The following CUL4A variants were observed in gnomAD, a reference collection of about 807,000 sequenced individuals.
The protein encoded by CUL4A is cullin 4A.
Under a neutral mutation model 95.5 loss-of-function variants are expected in CUL4A, and 16 were observed. The ratio of observed to expected loss-of-function variants is 0.17; its 90% confidence interval spans 0.11 to 0.25. The LOEUF (loss-of-function observed/expected upper bound fraction) is 0.25. Among genes scored for constraint, CUL4A ranks in the 10% least tolerant of loss-of-function variants. The probability of loss-of-function intolerance (pLI) is 1.00; values close to 1 mark genes in which losing one functional copy is unlikely to be tolerated. For synonymous variants in CUL4A, 380 were observed against 353.1 expected, an observed-to-expected ratio of 1.08 and a Z score of -0.85; for missense variants, 610 against 937.0, an observed-to-expected ratio of 0.65 and a Z score of 4.56.
Position 113,260,764 on chromosome 13 carries a change from A to G in CUL4A, c.2184+5A>G, listed in dbSNP as rs373106549. On this transcript the variant is annotated splice_donor_5th_base_variant and intron_variant, in intron 19 of 19. Transcript: ENST00000375440. Reference sequence around the variant, plus strand: ...CAGCTGAAATTTCCAGTAAAGGTAAATGTAACATTAGCATAATTAAATTTG... The same window carrying G: ...CAGCTGAAATTTCCAGTAAAGGTAAGTGTAACATTAGCATAATTAAATTTG... 1.3e-6 allele frequency: 2 copies of G among 1,546,616 alleles called. No individual in the cohort carries two copies. The highest frequency in any genetic ancestry group is 2.8e-5 in the African/African-American group (2 of 72,274).
At chr13:113,232,075 T>C (rs61967864) in intron 5 of CUL4A, among the ~76,000 whole-genome samples, 1,827 of 72,136 alleles carry the variant, frequency 0.025, 143 homozygotes, top group Middle Eastern at 0.067. Context: ...CTGTCACCAC[T>C]ACCCGCCCAC....
chr13:113,259,662 G>A (rs1253302152), intron 18 of CUL4A, among the ~76,000 whole-genome samples: 1 of 152,170 alleles, frequency 6.6e-6, no homozygotes, highest in Non-Finnish European at 1.5e-5. Context: ...ATTTCCTAAT[G>A]TTGATCAACA....
At chr13:113,259,527 A>C (rs1199994283) in intron 18 of CUL4A, among the ~76,000 whole-genome samples, 1 of 152,064 alleles carries the variant, frequency 6.6e-6, no homozygotes. Context: ...TTTTTTATTC[A>C]TCCTTGTATG....
chr13:113,215,621 A>G (rs2040637511), intron 2 of CUL4A, among the ~76,000 whole-genome samples: 1 of 140,644 alleles, frequency 7.1e-6, no homozygotes, highest in African/African-American at 2.7e-5. Context: ...GTGGCTGTGG[A>G]GATCTCTGTG....
chr13:113,228,828 G>T (rs994695460), intron 4 of CUL4A, among the ~76,000 whole-genome samples: 6 of 152,048 alleles, frequency 3.9e-5, no homozygotes, highest in Non-Finnish European at 5.9e-5. Context: ...TCAAAAAAAT[G>T]ACCAAATTTA....
intron 3 of CUL4A, among the ~76,000 whole-genome samples, chr13:113,224,705 G>T (rs757294485): frequency 6.6e-6 from 1 of 152,272 alleles, no homozygotes; most frequent in Non-Finnish European, 1.5e-5. Flanking sequence ...AGTAGGCCAA[G>T]CTCTGCACAT....
chr13:113,234,980 TGTAAG>T, intron 7 of CUL4A, 78 bp from the exon 8 acceptor site: 3 of 1,021,028 alleles, frequency 2.9e-6, no homozygotes, highest in South Asian at 3.0e-5. Context: ...AAAAATTACA[TGTAAG>T]GAAAACAAAA....
At chr13:113,240,377 G>A (rs2041672971) in intron 10 of CUL4A, among the ~76,000 whole-genome samples, 1 of 152,220 alleles carries the variant, frequency 6.6e-6, no homozygotes, top group Non-Finnish European at 1.5e-5. Flanking sequence ...CCTCTAATGA[G>A]AAGCCATTCT....
chr13:113,222,576 C>T (rs2040941063), intron 3 of CUL4A, among the ~76,000 whole-genome samples: 1 of 151,614 alleles, frequency 6.6e-6, no homozygotes, highest in Non-Finnish European at 1.5e-5. Context: ...GCCTGTTGTG[C>T]ATTTGGGGCT....
rs566385367 is a variant in CUL4A at position 113,260,839 on chromosome 13, A to G, written c.2184+80A>G. 1.3e-4 allele frequency: 139 copies of G among 1,111,716 alleles called. 4 individuals carry two copies. The South Asian group carries it at 2.0e-3, about 16-fold the overall frequency. 68.9% of individuals were successfully genotyped at this position (1,111,716 alleles called of 1,614,324 possible). The stretch of plus-strand genomic sequence containing the variant: ...AGCATGTTTAATTCTATGTTCAGTC[A>G]TATCATTTGACCTGCATTATTCATG... On this transcript the variant is annotated intron_variant, in intron 19 of 19. Coordinates refer to ENST00000375440, the MANE Select transcript of CUL4A (RefSeq NM_001008895.4).
intron 15 of CUL4A, among the ~76,000 whole-genome samples, chr13:113,247,454 G>A (rs1289767554): frequency 6.6e-6 from 1 of 152,228 alleles, no homozygotes; most frequent in Non-Finnish European, 1.5e-5. Context: ...TTAACTATCA[G>A]CAAGGTAGTT....
chr13:113,218,645 A>G (rs1042193042), intron 2 of CUL4A, among the ~76,000 whole-genome samples: 1 of 152,202 alleles, frequency 6.6e-6, no homozygotes, highest in African/African-American at 2.4e-5. Context: ...ACTGGGCACC[A>G]TAGATGCTCA....
chr13:113,239,399 G>T (rs1173392724), intron 9 of CUL4A, 34 bp from the exon 10 acceptor site: 9 of 1,551,018 alleles, frequency 5.8e-6, no homozygotes, highest in Non-Finnish European at 7.1e-6. Flanking sequence ...TGCTGCCCAT[G>T]CTGTACTCTG....
chr13:113,214,373 C>CT (rs1186550744), intron 2 of CUL4A, among the ~76,000 whole-genome samples: 1 of 152,162 alleles, frequency 6.6e-6, no homozygotes, highest in Non-Finnish European at 1.5e-5. Context: ...TCTTGTGTCT[C>CT]TATGTTTTAG....
intron 15 of CUL4A, among the ~76,000 whole-genome samples, chr13:113,251,687 G>A (rs747272072): frequency 3.3e-5 from 5 of 152,104 alleles, no homozygotes; most frequent in East Asian, 1.9e-4. Context: ...ATGTGAAGAC[G>A]TGCCTGCTTT....
intron 8 of CUL4A, among the ~76,000 whole-genome samples, chr13:113,235,756 G>C (rs1030202849): frequency 9.9e-5 from 15 of 152,200 alleles, no homozygotes; most frequent in Admixed American, 9.8e-4. Flanking sequence ...AGATCACAAA[G>C]TCAGGAGATC....
intron 8 of CUL4A, among the ~76,000 whole-genome samples, chr13:113,235,903 A>G (rs912866184): frequency 7.2e-5 from 11 of 151,782 alleles, no homozygotes; most frequent in Admixed American, 2.6e-4. Context: ...CCCGGGAGGC[A>G]GAGCTTGCAG....
intron 19 of CUL4A, among the ~76,000 whole-genome samples, chr13:113,261,102 A>G (rs1256127344): frequency 1.3e-5 from 2 of 152,184 alleles, no homozygotes; most frequent in Non-Finnish European, 2.9e-5. Flanking sequence ...AAATGATAAC[A>G]ATAACTAACT....
At chr13:113,251,701 C>T (rs1327313595) in intron 15 of CUL4A, among the ~76,000 whole-genome samples, 5 of 152,166 alleles carry the variant, frequency 3.3e-5, no homozygotes, top group Non-Finnish European at 7.4e-5. Context: ...CTGCTTTTTT[C>T]CCCTTACCTT....
Sources: allele counts gnomAD v4.1 joint callset (sites outside exome capture counted in the v4.1 genomes callset), GRCh38; gene constraint gnomAD v4.1.1; transcripts MANE v1.5; gene names NCBI Gene and HGNC (gene_info 2026-07-23, HGNC 2026-07-21).